Variants in TMCC1 observed in about 807,000 individuals in gnomAD.
The protein encoded by TMCC1 is transmembrane and coiled-coil domains protein 1.
A neutral mutation model predicts 52.4 loss-of-function variants in TMCC1; 15 were observed. That is an observed-to-expected ratio of 0.29 (90% confidence interval 0.19 to 0.44). The LOEUF (loss-of-function observed/expected upper bound fraction) is 0.44, where lower values mean the gene tolerates loss of function less well. Among genes scored for constraint, TMCC1 ranks in the 20% least tolerant of loss-of-function variants. The probability of loss-of-function intolerance (pLI) is 1.00; values close to 1 mark genes in which losing one functional copy is unlikely to be tolerated. For synonymous variants in TMCC1, 279 were observed against 301.9 expected (o/e 0.92, Z 0.79); for missense variants, 503 against 806.0 (o/e 0.62, Z 4.55).
intron 5 of TMCC1, among the ~76,000 whole-genome samples, chr3:129,662,183 TGGTG>T (rs996932873): frequency 2.6e-5 from 4 of 151,998 alleles, no homozygotes; most frequent in African/African-American, 9.7e-5. Context: ...GCAGAGGAGA[TGGTG>T]GGTGGGTGGG....
intron 2 of TMCC1, among the ~76,000 whole-genome samples, chr3:129,835,951 T>C (rs1560516197): frequency 6.6e-6 from 1 of 152,120 alleles, no homozygotes; most frequent in Non-Finnish European, 1.5e-5. Context: ...TTAAATGTAA[T>C]TGGACCAGAT....
At chr3:129,879,205 C>T (rs1174425684) in intron 2 of TMCC1, among the ~76,000 whole-genome samples, 1 of 152,138 alleles carries the variant, frequency 6.6e-6, no homozygotes, top group East Asian at 1.9e-4. Flanking sequence ...TTTTGGGAGG[C>T]CGAGGTGGAA....
intron 4 of TMCC1, among the ~76,000 whole-genome samples, chr3:129,816,734 A>C (rs185053653): frequency 1.3e-5 from 2 of 152,300 alleles, no homozygotes; most frequent in Admixed American, 1.3e-4. Flanking sequence ...AGCATAAAGA[A>C]AAGACAAGGC....
intron 4 of TMCC1, among the ~76,000 whole-genome samples, chr3:129,795,192 T>G (rs910778339): frequency 7.9e-5 from 12 of 151,658 alleles, no homozygotes; most frequent in Admixed American, 3.9e-4. Context: ...AATGAAGTAA[T>G]TTTTTAAAAT....
chr3:129,692,700 C>T (rs181177272), intron 4 of TMCC1, among the ~76,000 whole-genome samples: 158 of 152,274 alleles, frequency 1.0e-3, no homozygotes, highest in African/African-American at 3.4e-3. Context: ...ATAATTGATA[C>T]AGGTGGTTAT....
chr3:129,827,257 G>T (rs1336654563), intron 4 of TMCC1, among the ~76,000 whole-genome samples: 3 of 147,702 alleles, frequency 2.0e-5, no homozygotes, highest in Admixed American at 2.0e-4. Flanking sequence ...GCCTGGTTTT[G>T]GGTAAACCCA....
At chr3:129,766,786 T>C (rs2054164362) in intron 4 of TMCC1, among the ~76,000 whole-genome samples, 1 of 151,906 alleles carries the variant, frequency 6.6e-6, no homozygotes, top group Non-Finnish European at 1.5e-5. Context: ...ACCTGGCTAA[T>C]TTTTGTATTT....
At chr3:129,685,959 G>T (rs2089372306) in intron 4 of TMCC1, among the ~76,000 whole-genome samples, 1 of 152,036 alleles carries the variant, frequency 6.6e-6, no homozygotes, top group Admixed American at 6.6e-5. Flanking sequence ...CCAACAATAA[G>T]GCCAATCAAT....
chr3:129,862,880 C>A (rs2060457263), intron 2 of TMCC1, among the ~76,000 whole-genome samples: 1 of 152,162 alleles, frequency 6.6e-6, no homozygotes, highest in Admixed American at 6.5e-5. Context: ...TCCCTCTGCA[C>A]CTTGGATTAG....
chr3:129,670,504 C>G lies in TMCC1; in HGVS notation c.1337G>C (p.Ser446Thr). 1 of 1,614,194 alleles carries G rather than the reference C, an allele frequency of 6.2e-7. No homozygotes were observed. Among genetic ancestry groups the G allele is most frequent in the Non-Finnish European group, 8.5e-7 (1 of 1,180,028 alleles). The change falls in exon 5 of 7, where the codon AGC (serine) becomes ACC (threonine). Residue 446 changes from serine to threonine, a missense_variant. Around this residue, in one of 7 missense-constraint regions of TMCC1, gnomAD observed 121 missense variants for 193.6 expected, o/e 0.62. Transcript: ENST00000393238. Reference protein sequence around the residue: ...TTGGIAVGASSSKTNTLDMQS... With the variant: ...TTGGIAVGASTSKTNTLDMQS... The stretch of plus-strand genomic sequence containing the variant: ...CATGTCCAGGGTGTTTGTTTTGGAG[C>G]TGGATGCTCCTACAGCGATGCCCCC...
At chr3:129,734,705 A>G (rs2050805244) in intron 4 of TMCC1, among the ~76,000 whole-genome samples, 1 of 152,126 alleles carries the variant, frequency 6.6e-6, no homozygotes, top group Non-Finnish European at 1.5e-5. Context: ...AGAATAAAAC[A>G]CATATGTTAA....
In TMCC1 at chr3:129,850,923, G is replaced by A. The variant is rs140204734; in HGVS notation, c.-183-18097C>T. 2.4e-3 allele frequency among the ~76,000 whole-genome samples: 366 copies of A among 152,362 alleles called. 3 individuals are homozygous for A. The highest frequency in any genetic ancestry group is 8.1e-3 in the African/African-American group (337 of 41,590). On this transcript the variant is annotated intron_variant, in intron 2 of 6. Transcript: ENST00000393238. The stretch of plus-strand genomic sequence containing the variant: ...CAGATCGCTCATGCTATTGTTTGTG[G>A]TTTAAGAATGCCTTTAAGCGGTTTT...
At chr3:129,739,139 T>C (rs753948715) in intron 4 of TMCC1, among the ~76,000 whole-genome samples, 11 of 152,116 alleles carry the variant, frequency 7.2e-5, no homozygotes, top group Non-Finnish European at 1.5e-4. Flanking sequence ...TTAAGAATTA[T>C]CTTTTTTAAA....
chr3:129,663,945 G>A lies in TMCC1; in HGVS notation c.1511+6385C>T, dbSNP rs78119141. 6.8e-3 allele frequency among the ~76,000 whole-genome samples: 1,033 copies of A among 152,240 alleles called. 8 individuals carry two copies. The highest frequency in any genetic ancestry group is 0.023 in the South Asian group (109 of 4,824). On this transcript the variant is annotated intron_variant, in intron 5 of 6. Transcript: ENST00000393238. Reference sequence around the variant, plus strand: ...TTACATTTTTACAGAGGGAGAAACTGAGGCTCAGATGAGTTATGTAATCTA... The same window carrying A: ...TTACATTTTTACAGAGGGAGAAACTAAGGCTCAGATGAGTTATGTAATCTA...
chr3:129,882,901 G>C (rs1014334103), intron 1 of TMCC1, among the ~76,000 whole-genome samples: 2 of 152,144 alleles, frequency 1.3e-5, no homozygotes, highest in African/African-American at 2.4e-5. Context: ...AAGACTTTCA[G>C]TTTGCAAGAT....
chr3:129,864,263 CAATAATCCTAAG>C (rs2107940658), intron 2 of TMCC1, among the ~76,000 whole-genome samples: 1 of 152,244 alleles, frequency 6.6e-6, no homozygotes, highest in South Asian at 2.1e-4. Context: ...TCTGAGCAGT[CAATAATCCTAAG>C]AGACTTGCCT....
At chr3:129,880,586 G>A (rs1349855568) in intron 1 of TMCC1, 27 bp from the exon 2 acceptor site, 1 of 152,132 alleles carries the variant, frequency 6.6e-6, no homozygotes, top group Admixed American at 6.6e-5. Flanking sequence ...GCAAGAAAAG[G>A]AGAAAGAACT....
intron 4 of TMCC1, among the ~76,000 whole-genome samples, chr3:129,677,464 A>G (rs113864399): frequency 2.0e-5 from 3 of 152,358 alleles, no homozygotes; most frequent in African/African-American, 4.8e-5. Context: ...TACATATAAT[A>G]TTCATGTGCA....
At chr3:129,724,403 T>G (rs1345826140) in intron 4 of TMCC1, among the ~76,000 whole-genome samples, 2 of 152,234 alleles carry the variant, frequency 1.3e-5, no homozygotes, top group Non-Finnish European at 2.9e-5. Context: ...CATTAGTTAA[T>G]TTGATCTGTA....
Sources: allele counts gnomAD v4.1 joint callset (sites outside exome capture counted in the v4.1 genomes callset), GRCh38; gene constraint gnomAD v4.1.1; regional missense constraint gnomAD v4.1.1; transcripts MANE v1.5; gene names NCBI Gene and HGNC (gene_info 2026-07-23, HGNC 2026-07-21).